PARD3B: variants seen among roughly 807,000 people sequenced by gnomAD.
PARD3B encodes partitioning defective 3 homolog B.
Under a neutral mutation model 130.2 loss-of-function variants are expected in PARD3B, and 103 were observed. The ratio of observed to expected loss-of-function variants is 0.79; its 90% CI spans 0.67 to 0.93. The LOEUF (loss-of-function observed/expected upper bound fraction) is 0.93, where lower values mean the gene tolerates loss of function less well. Among genes scored for constraint, PARD3B ranks in the 40% least tolerant of loss-of-function variants. The probability of loss-of-function intolerance (pLI) is 0.00; values close to 1 mark genes in which losing one functional copy is unlikely to be tolerated. For synonymous variants in PARD3B, 583 were observed against 553.2 expected (o/e 1.05, Z -0.76); for missense variants, 1,609 against 1,499.2 (o/e 1.07, Z -1.21).
chr2:204,807,807 T>G (rs1050450483), intron 2 of PARD3B, among the ~76,000 whole-genome samples: 1 of 151,966 alleles, frequency 6.6e-6, no homozygotes, highest in Non-Finnish European at 1.5e-5. Context: ...TTATGGAGAT[T>G]GAGAGTACAA....
intron 1 of PARD3B, among the ~76,000 whole-genome samples, chr2:204,683,175 C>T (rs995009958): frequency 6.6e-6 from 1 of 151,928 alleles, no homozygotes; most frequent in Admixed American, 6.6e-5. Flanking sequence ...CATTATTTTT[C>T]AATAATGATC....
Position 205,563,761 on chromosome 2 carries a change from C to T in PARD3B, c.3260+10358C>T, listed in dbSNP as rs1164441642. 6.6e-6 allele frequency among the ~76,000 whole-genome samples: 1 copy of T among 152,066 alleles called. No individual in the cohort carries two copies. The highest frequency in any genetic ancestry group is 1.5e-5 in the Non-Finnish European group (1 of 67,996). ...CTTCTTTTATCACTGTAAGTTTTCC[C>T]AAAGTAGAAACAAGATACCTGCCTT... is the stretch of plus-strand genomic sequence containing the variant. On this transcript the variant is annotated intron_variant, in intron 22 of 22. Coordinates refer to ENST00000406610, the MANE Select transcript of PARD3B (RefSeq NM_001302769.2). The surrounding 1 kb of genome is among the most constrained non-coding windows in gnomAD (Gnocchi z 4.2).
intron 1 of PARD3B, among the ~76,000 whole-genome samples, chr2:204,603,888 G>C (rs934864475): frequency 6.6e-6 from 1 of 152,144 alleles, no homozygotes; most frequent in Non-Finnish European, 1.5e-5. Flanking sequence ...GGATAATCCC[G>C]CCTGGGCACA....
chr2:204,609,147 A>T (rs2033836389), intron 1 of PARD3B, among the ~76,000 whole-genome samples: 1 of 152,156 alleles, frequency 6.6e-6, no homozygotes, highest in African/African-American at 2.4e-5. Flanking sequence ...AGATATTTGG[A>T]TCTATTTGGA....
intron 22 of PARD3B, among the ~76,000 whole-genome samples, chr2:205,611,507 T>G (rs1245954177): frequency 6.6e-6 from 1 of 152,238 alleles, no homozygotes; most frequent in Admixed American, 6.5e-5. Context: ...CTTCTTTACA[T>G]GTAAATAACA....
At chr2:205,188,414 A>G (rs2125793177) in intron 14 of PARD3B, among the ~76,000 whole-genome samples, 1 of 152,262 alleles carries the variant, frequency 6.6e-6, no homozygotes, top group Non-Finnish European at 1.5e-5. Flanking sequence ...AAGCGCTTTG[A>G]GCCTGGAGAT....
rs1402445011 is a variant in PARD3B, at chr2:205,265,580, G to A, written c.2185+19758G>A. On this transcript the variant is annotated intron_variant, in intron 16 of 22. Transcript: ENST00000406610. The surrounding 1 kb of genome is among the most constrained non-coding windows in gnomAD (Gnocchi z 4.3). ...GCTGCTGATATACCGAGACTTCACC[G>A]AAGAGATGTTCAGTGTAATATAATT... 6.6e-6 allele frequency among the ~76,000 whole-genome samples: 1 copy of A among 151,872 alleles called. No individual in the cohort carries two copies. Among genetic ancestry groups the A allele is most frequent in the Admixed American group, 6.6e-5 (1 of 15,246 alleles).
intron 1 of PARD3B, among the ~76,000 whole-genome samples, chr2:204,632,305 T>G (rs2034706911): frequency 6.6e-6 from 1 of 152,106 alleles, no homozygotes; most frequent in Non-Finnish European, 1.5e-5. Flanking sequence ...TTAAACCTCT[T>G]TCCTTTATAA....
chr2:205,524,124 G>A (rs182987697), intron 21 of PARD3B, among the ~76,000 whole-genome samples: 2 of 152,050 alleles, frequency 1.3e-5, no homozygotes, highest in African/African-American at 4.8e-5. Flanking sequence ...GATCTTAGGG[G>A]CTTCTTTATT....
intron 22 of PARD3B, among the ~76,000 whole-genome samples, chr2:205,609,782 A>G (rs1006208179): frequency 1.3e-5 from 2 of 152,154 alleles, no homozygotes; most frequent in African/African-American, 4.8e-5. Context: ...AAAACAAACT[A>G]TCTTCTAGTT....
At chr2:204,832,820 G>A (rs1404775886) in intron 2 of PARD3B, among the ~76,000 whole-genome samples, 1 of 152,056 alleles carries the variant, frequency 6.6e-6, no homozygotes, top group Non-Finnish European at 1.5e-5. Context: ...CCAACTGATA[G>A]GTATTAATTG....
Position 205,546,411 on chromosome 2 carries a change from GA to G in PARD3B, c.3181-6903del, listed in dbSNP as rs1029645613. ...TATATTTAGGTCACTACATTAAAAA[GA>G]AAAAAAAAACCTGCATGATACCAAG... On this transcript the variant is annotated intron_variant, in intron 21 of 22. Coordinates refer to ENST00000406610, the MANE Select transcript of PARD3B (RefSeq NM_001302769.2). Among the ~76,000 whole-genome samples, 106 of 146,430 alleles carry G rather than the reference GA, an allele frequency of 7.2e-4. 1 individual carries two copies. Among genetic ancestry groups the G allele is most frequent in the East Asian group, 1.8e-3 (9 of 5,074 alleles).
In PARD3B at chr2:204,678,861, A is replaced by G. The variant is rs2036685359; in HGVS notation, c.121-7320A>G. ...GCCAGGGAGCTGCCCTCTTCTATCC[A>G]GTATTTCCCTGCCTCCTGTCGGTAT... On this transcript the variant is annotated intron_variant, in intron 1 of 22. Coordinates refer to ENST00000406610, the MANE Select transcript of PARD3B (RefSeq NM_001302769.2). The surrounding 1 kb of genome is among the most constrained non-coding windows in gnomAD (Gnocchi z 4.2). Among the ~76,000 whole-genome samples the G allele has an allele frequency of 6.6e-6, 1 of 152,110 alleles. No individual in the cohort carries two copies. Among genetic ancestry groups the G allele is most frequent in the Admixed American group, 6.6e-5 (1 of 15,266 alleles).
At chr2:204,824,899 G>A (rs1466929873) in intron 2 of PARD3B, among the ~76,000 whole-genome samples, 1 of 152,214 alleles carries the variant, frequency 6.6e-6, no homozygotes, top group Admixed American at 6.5e-5. Flanking sequence ...CTGTAGCAAA[G>A]GAGTGAGCCA....
At chr2:205,447,927 T>G (rs942539383) in intron 20 of PARD3B, among the ~76,000 whole-genome samples, 5 of 152,232 alleles carry the variant, frequency 3.3e-5, no homozygotes, top group African/African-American at 1.2e-4. Context: ...TTGAGCTACC[T>G]GGACACAGCA....
rs1293237232 is a variant in PARD3B at position 205,568,477 on chromosome 2, G to A, written c.3260+15074G>A. Among the ~76,000 whole-genome samples, 3 of 152,142 alleles carry A rather than the reference G, an allele frequency of 2.0e-5. No homozygotes were observed. The highest frequency in any genetic ancestry group is 2.9e-5 in the Non-Finnish European group (2 of 68,026). On this transcript the variant is annotated intron_variant, in intron 22 of 22. Transcript: ENST00000406610. The surrounding 1 kb of genome is among the most constrained non-coding windows in gnomAD (Gnocchi z 5.3). ...TCATTTTCTGTCAAGCCCATGCTCAGAACATCACTGAAATACAGCAGCACC... is the reference window on the plus strand; with the variant it reads ...TCATTTTCTGTCAAGCCCATGCTCAAAACATCACTGAAATACAGCAGCACC...
chr2:204,628,008 T>C (rs892244049), intron 1 of PARD3B, among the ~76,000 whole-genome samples: 1 of 151,010 alleles, frequency 6.6e-6, no homozygotes, highest in Non-Finnish European at 1.5e-5. Context: ...TTTAGCTGAT[T>C]AGTGATCATT....
At chr2:205,081,497 T>C (rs1701400348) in intron 4 of PARD3B, among the ~76,000 whole-genome samples, 1 of 152,036 alleles carries the variant, frequency 6.6e-6, no homozygotes, top group African/African-American at 2.4e-5. Flanking sequence ...TTGTAGAACA[T>C]GTTTAGATTT....
Position 205,258,359 on chromosome 2 carries a change from G to A in PARD3B, c.2185+12537G>A, listed in dbSNP as rs1049534485. ...CCAGAGTGATCTTCCACTCTATACG[G>A]CTGATTCACTCTGATTCAATTCTCA... On this transcript the variant is annotated intron_variant, in intron 16 of 22. Transcript: ENST00000406610. The surrounding 1 kb of genome is among the most constrained non-coding windows in gnomAD (Gnocchi z 4.9). Among the ~76,000 whole-genome samples the A allele has an allele frequency of 6.6e-6, 1 of 152,096 alleles. No homozygotes were observed. The highest frequency in any genetic ancestry group is 1.5e-5 in the Non-Finnish European group (1 of 68,018).
Sources: gnomAD v4.1 joint callset for allele counts (sites outside exome capture counted in the v4.1 genomes callset) on GRCh38, gnomAD v4.1.1 for gene constraint, Gnocchi (gnomAD v3.1) non-coding constraint, MANE v1.5 for transcripts, NCBI Gene and HGNC (gene_info 2026-07-23, HGNC 2026-07-21) for gene names.